PGD: variants seen among roughly 807,000 people sequenced by gnomAD.
The protein encoded by PGD is phosphogluconate dehydrogenase, also known as 6-phosphogluconate dehydrogenase, decarboxylating.
A neutral mutation model predicts 60.4 loss-of-function variants in PGD; 21 were observed. The ratio of observed to expected loss-of-function variants is 0.35; its 90% CI spans 0.25 to 0.50. The LOEUF is 0.50. Among genes scored for constraint, PGD ranks in the 20% least tolerant of loss-of-function variants. The probability of loss-of-function intolerance (pLI) is 0.98; values close to 1 mark genes in which losing one functional copy is unlikely to be tolerated. For synonymous variants in PGD, 230 were observed against 235.9 expected, an observed-to-expected ratio of 0.97 and a Z score of 0.23; for missense variants, 477 against 613.1, an observed-to-expected ratio of 0.78 and a Z score of 2.34.
chr1:10,418,588 A>C (rs532125998), intron 10 of PGD, among the ~76,000 whole-genome samples: 1 of 152,062 alleles, frequency 6.6e-6, no homozygotes, highest in Non-Finnish European at 1.5e-5. Context: ...CATCCTGGCT[A>C]ACACGGTGAA....
In PGD at chr1:10,417,057, G is replaced by A. The variant is rs1639607804; in HGVS notation, c.915G>A (p.Lys305=). 4 of 1,614,022 alleles carry A rather than the reference G, an allele frequency of 2.5e-6. No homozygotes were observed. The East Asian group carries it at 6.7e-5, about 27-fold the overall frequency. The part of the protein sequence containing the change: ...DERIQASKKL[K]GPQKFQFDGD... ...GAATTCAAGCTAGCAAAAAGCTGAAGGGTCCCCAGAAGTTCCAGTTTGATG... is the reference window on the plus strand; with the variant it reads ...GAATTCAAGCTAGCAAAAAGCTGAAAGGTCCCCAGAAGTTCCAGTTTGATG... Residue 305 remains lysine, a synonymous_variant, in exon 9 of 13, where the codon AAG becomes AAA. Coordinates refer to ENST00000270776, the MANE Select transcript of PGD (RefSeq NM_002631.4).
At chr1:10,411,123 AAG>A (rs1256811128) in intron 6 of PGD, among the ~76,000 whole-genome samples, 1 of 152,038 alleles carries the variant, frequency 6.6e-6, no homozygotes, top group Non-Finnish European at 1.5e-5. Flanking sequence ...AATGATGAGA[AAG>A]AGTAGAAAAT....
At chr1:10,408,795 G>T (rs891867252) in intron 6 of PGD, among the ~76,000 whole-genome samples, 2 of 152,170 alleles carry the variant, frequency 1.3e-5, no homozygotes, top group Non-Finnish European at 2.9e-5. Flanking sequence ...TTTTTGTAGA[G>T]ACGGGGTTTC....
Position 10,419,904 on chromosome 1 carries a change from T to C in PGD, c.*155T>C. ...GAAGACACACAGTTTATTTGTAAAGTAGCTCTGTGAGAGCCACCATGCCCT... is the reference window on the plus strand; with the variant it reads ...GAAGACACACAGTTTATTTGTAAAGCAGCTCTGTGAGAGCCACCATGCCCT... On this transcript the variant is annotated 3_prime_UTR_variant, in exon 13 of 13. Transcript: ENST00000270776. 2 of 905,422 alleles carry C rather than the reference T, an allele frequency of 2.2e-6. No individual in the cohort carries two copies. Among genetic ancestry groups the C allele is most frequent in the Middle Eastern group, 3.5e-4 (1 of 2,878 alleles). The allele number at this position is 905,422 out of a possible 1,614,324, so 56.1% of individuals were successfully genotyped here.
At chr1:10,412,745 C>A in intron 7 of PGD, 1 of 248,394 alleles carries the variant, frequency 4.0e-6, no homozygotes, top group South Asian at 1.0e-4. Context: ...GAAGAGTAAA[C>A]TGGGACAAGA....
intron 5 of PGD, among the ~76,000 whole-genome samples, chr1:10,405,507 T>C (rs1368894860): frequency 6.7e-6 from 1 of 149,390 alleles, no homozygotes; most frequent in East Asian, 2.1e-4. Flanking sequence ...CCCAAAGTAC[T>C]GGGATTACAG....
Position 10,404,154 on chromosome 1 carries a change from C to G in PGD, c.331-7C>G, listed in dbSNP as rs1557759920. ...AAGCATAATGAAATTATTTTTCTGT[C>G]CTTCAGAGACGGTGCCGAGACCTCA... On this transcript the variant is annotated splice_polypyrimidine_tract_variant and splice_region_variant and intron_variant, in intron 4 of 12. Coordinates refer to ENST00000270776, the MANE Select transcript of PGD (RefSeq NM_002631.4). The G allele has an allele frequency of 6.3e-7, 1 of 1,576,764 alleles. No individual in the cohort carries two copies. Among genetic ancestry groups the G allele is most frequent in the Non-Finnish European group, 8.7e-7 (1 of 1,154,500 alleles).
chr1:10,404,908 G>C (rs1639375531), intron 5 of PGD, among the ~76,000 whole-genome samples: 1 of 152,182 alleles, frequency 6.6e-6, no homozygotes, highest in Non-Finnish European at 1.5e-5. Context: ...GTAACTTAAT[G>C]TGATAATCGT....
At chr1:10,419,593 T>C (rs1232372860) in intron 12 of PGD, 37 bp from the exon 13 acceptor site, 14 of 1,613,998 alleles carry the variant, frequency 8.7e-6, no homozygotes, top group Non-Finnish European at 1.2e-5. Flanking sequence ...GCGTGCGCCA[T>C]GGACTGTCCT....
Position 10,419,533 on chromosome 1 carries a change from C to T in PGD, c.1326C>T (p.Leu442=). 6.2e-7 allele frequency: 1 copy of T among 1,614,210 alleles called. No homozygotes were observed. The highest frequency in any genetic ancestry group is 1.1e-5 in the South Asian group (1 of 91,080). Residue 442 remains leucine, a synonymous_variant, in exon 12 of 13, where the codon CTC becomes CTT. Transcript: ENST00000270776. ...GACATGAGATGCTTCCAGCCAGCCT[C>T]ATCCAGGTAAGCCTGTGGAGCAGGG... The part of the protein sequence containing the change: ...GYRHEMLPAS[L]IQAQRDYFGA...
chr1:10,399,961 A>G, intron 2 of PGD: 5 of 564,120 alleles, frequency 8.9e-6, no homozygotes, highest in Non-Finnish European at 3.2e-6. Context: ...TTAAGTAGAG[A>G]AGAAGGGTGC....
intron 6 of PGD, 44 bp downstream of exon 6, chr1:10,408,184 G>C: frequency 9.1e-7 from 1 of 1,102,410 alleles, no homozygotes. Context: ...CAACATGGGC[G>C]TGTCTAAGTG....
At chr1:10,406,661 T>G (rs1004641174) in intron 5 of PGD, among the ~76,000 whole-genome samples, 1 of 152,202 alleles carries the variant, frequency 6.6e-6, no homozygotes, top group African/African-American at 2.4e-5. Flanking sequence ...CTGTAAGATT[T>G]CATGTCTGTA....
At chr1:10,399,753 G>A (rs36060870) in intron 2 of PGD, 49 bp downstream of exon 2, 3 of 1,511,756 alleles carry the variant, frequency 2.0e-6, no homozygotes. Context: ...GGGCGCTTTA[G>A]CCGAGGCCGG....
chr1:10,403,291 A>G (rs1053040576), intron 4 of PGD, among the ~76,000 whole-genome samples, 155 bp downstream of exon 4: 2 of 151,890 alleles, frequency 1.3e-5, no homozygotes, highest in African/African-American at 4.8e-5. Context: ...TTTTTCTGTT[A>G]AGACACACTT....
chr1:10,407,433 G>C (rs1387103926), intron 5 of PGD, among the ~76,000 whole-genome samples: 2 of 152,048 alleles, frequency 1.3e-5, no homozygotes, highest in African/African-American at 4.8e-5. Flanking sequence ...CTGGGCAACA[G>C]AGTGAGACCC....
intron 8 of PGD, among the ~76,000 whole-genome samples, chr1:10,416,126 C>A (rs1035935479): frequency 4.6e-5 from 7 of 152,140 alleles, no homozygotes; most frequent in African/African-American, 1.7e-4. Context: ...CAGGGTCTCA[C>A]TGTGTTGCCC....
intron 5 of PGD, among the ~76,000 whole-genome samples, chr1:10,405,262 A>G (rs1639380864): frequency 6.6e-6 from 1 of 151,328 alleles, no homozygotes; most frequent in Non-Finnish European, 1.5e-5. Context: ...AGTCCCAGCT[A>G]CTTGGGAGGC....
At chr1:10,401,752 AC>A (rs1162768495) in intron 3 of PGD, among the ~76,000 whole-genome samples, 1 of 152,196 alleles carries the variant, frequency 6.6e-6, no homozygotes, top group African/African-American at 2.4e-5. Flanking sequence ...GCGGTGGCTC[AC>A]GCCTGTAATC....
Sources: gnomAD v4.1 joint callset for allele counts (sites outside exome capture counted in the v4.1 genomes callset) on GRCh38, gnomAD v4.1.1 for gene constraint, MANE v1.5 for transcripts, NCBI Gene and HGNC (gene_info 2026-07-23, HGNC 2026-07-21) for gene names.